The following BICRA variants were observed in gnomAD, a reference collection of about 807,000 sequenced individuals.
BICRA encodes BRD4 interacting chromatin remodeling complex associated protein.
A neutral mutation model predicts 96.9 loss-of-function variants in BICRA; 31 were observed. The observed-to-expected ratio is 0.32, with a 90% CI of 0.24 to 0.43. The LOEUF (loss-of-function observed/expected upper bound fraction) is 0.43. BICRA is among the 20% of genes least tolerant of loss of function. The pLI is 1.00. For synonymous variants in BICRA, 1,350 were observed against 1,071.8 expected (o/e 1.26, Z -5.07); for missense variants, 2,283 against 2,190.3 (o/e 1.04, Z -0.84).
At chr19:47,683,687 C>T (rs918517071) in intron 7 of BICRA, among the ~76,000 whole-genome samples, 96 of 152,012 alleles carry the variant, frequency 6.3e-4, no homozygotes, top group African/African-American at 2.0e-3. Flanking sequence ...CGGGTTCACG[C>T]CATTCTCCTG....
chr19:47,668,185 G>A (rs1362133210), intron 1 of BICRA, among the ~76,000 whole-genome samples: 3 of 152,188 alleles, frequency 2.0e-5, no homozygotes, highest in South Asian at 2.1e-4. Context: ...AGCCGAGATC[G>A]CGTCATTGCA....
intron 1 of BICRA, among the ~76,000 whole-genome samples, chr19:47,618,557 T>C (rs1289278274): frequency 6.6e-6 from 1 of 152,128 alleles, no homozygotes; most frequent in Non-Finnish European, 1.5e-5. Context: ...GAAGGGTTGA[T>C]GCCCCTTGAC....
At chr19:47,688,812 T>A (rs1973197093) in intron 7 of BICRA, among the ~76,000 whole-genome samples, 1 of 152,124 alleles carries the variant, frequency 6.6e-6, no homozygotes, top group Admixed American at 6.6e-5. Context: ...AAATTTTTTT[T>A]TCTTTGTTTT....
intron 1 of BICRA, among the ~76,000 whole-genome samples, chr19:47,630,310 G>A (rs537704616): frequency 1.3e-5 from 2 of 151,708 alleles, no homozygotes; most frequent in Admixed American, 6.6e-5. Flanking sequence ...ATAGGCGTCC[G>A]CCACCACGCC....
chr19:47,634,908 A>G (rs568312487), intron 1 of BICRA, among the ~76,000 whole-genome samples: 5 of 151,504 alleles, frequency 3.3e-5, no homozygotes, highest in South Asian at 4.2e-4. Flanking sequence ...GACTGCAGGC[A>G]CCCGCCACCA....
At chr19:47,669,958 A>G (rs912954746) in intron 1 of BICRA, among the ~76,000 whole-genome samples, 1 of 119,564 alleles carries the variant, frequency 8.4e-6, no homozygotes, top group Non-Finnish European at 1.8e-5. Flanking sequence ...GCCCGGACAG[A>G]TTTTTTTATT....
At chr19:47,695,329 C>T (rs1010099564) in intron 9 of BICRA, 36 bp from the exon 10 acceptor site, 13 of 804,764 alleles carry the variant, frequency 1.6e-5, no homozygotes, top group African/African-American at 6.8e-5. Context: ...ATGCAGTGAC[C>T]GCAGGCCCTG....
At chr19:47,647,379 G>T (rs146553281) in intron 1 of BICRA, among the ~76,000 whole-genome samples, 6 of 152,022 alleles carry the variant, frequency 3.9e-5, no homozygotes, top group African/African-American at 1.4e-4. Flanking sequence ...CCACGGCAGC[G>T]GCACCCTTGT....
intron 4 of BICRA, 103 bp downstream of exon 4, chr19:47,673,865 C>A: frequency 9.8e-7 from 1 of 1,019,946 alleles, no homozygotes; most frequent in Non-Finnish European, 1.6e-6. Flanking sequence ...AGCCATCTGC[C>A]TTGTGGCTTC....
chr19:47,692,832 CCG>C (rs869185490), intron 7 of BICRA, among the ~76,000 whole-genome samples: 2 of 152,156 alleles, frequency 1.3e-5, no homozygotes, highest in African/African-American at 4.8e-5. Context: ...GCCGAGATGC[CCG>C]GTTCTGGAGT....
chr19:47,652,433 GCT>G (rs1972554102), intron 1 of BICRA, among the ~76,000 whole-genome samples: 1 of 152,110 alleles, frequency 6.6e-6, no homozygotes, highest in African/African-American at 2.4e-5. Context: ...AAGTGATCCT[GCT>G]CTCTTGGCTC....
intron 1 of BICRA, among the ~76,000 whole-genome samples, chr19:47,637,510 G>A (rs1972317399): frequency 6.6e-6 from 1 of 152,190 alleles, no homozygotes; most frequent in Admixed American, 6.5e-5. Flanking sequence ...TGCCTGCTGG[G>A]TTCAAGTGAT....
chr19:47,630,603 G>A (rs2123522262), intron 1 of BICRA, among the ~76,000 whole-genome samples: 1 of 151,842 alleles, frequency 6.6e-6, no homozygotes, highest in Non-Finnish European at 1.5e-5. Flanking sequence ...TTCTTTTTTT[G>A]TGGCTAAGTT....
Position 47,701,867 on chromosome 19 carries a change from G to A in BICRA, c.4135G>A (p.Ala1379Thr), listed in dbSNP as rs1288733128. Residue 1379 changes from alanine to threonine, a missense_variant, in exon 15 of 15, where the codon GCC becomes ACC. Coordinates refer to ENST00000594866, the MANE Select transcript of BICRA (RefSeq NM_001394372.1). The surrounding 1 kb of genome is among the most constrained non-coding windows in gnomAD (Gnocchi z 5.4). ...CCCCGAGCGCAAGCCCCTGGGCACC[G>A]CCCCGCACTGCCCGCGCCTGCCACT... ...AAPERKPLGT[A>T]PHCPRLPLRK... 12 of 1,479,370 alleles carry A rather than the reference G, an allele frequency of 8.1e-6. 1 individual carries two copies. The African/African-American group carries it at 1.2e-4, about 15-fold the overall frequency. 91.6% of individuals were successfully genotyped at this position (1,479,370 alleles called of 1,614,324 possible).
intron 1 of BICRA, among the ~76,000 whole-genome samples, chr19:47,651,636 G>A (rs1972542580): frequency 6.6e-6 from 1 of 152,162 alleles, no homozygotes; most frequent in South Asian, 2.1e-4. Context: ...GTAGGGATCA[G>A]TAGGGAGCCC....
chr19:47,608,686 G>GCGGCGC (rs1971845240), upstream of BICRA, among the ~76,000 whole-genome samples: 1 of 151,238 alleles, frequency 6.6e-6, no homozygotes, highest in Non-Finnish European at 1.5e-5. Flanking sequence ...GGGGGCGGGG[G>GCGGCGC]CGGCGCCGGC....
At chr19:47,689,547 G>A (rs1262441949) in intron 7 of BICRA, among the ~76,000 whole-genome samples, 1 of 152,064 alleles carries the variant, frequency 6.6e-6, no homozygotes, top group Non-Finnish European at 1.5e-5. Context: ...GAGTAGCTGG[G>A]ATTACAGGTG....
At chr19:47,697,797 T>C (rs1973370737) in intron 11 of BICRA, among the ~76,000 whole-genome samples, 1 of 152,138 alleles carries the variant, frequency 6.6e-6, no homozygotes. Context: ...CTGAAACTCC[T>C]AGTCTCAAGT....
Position 47,679,718 on chromosome 19 carries a change from C to A in BICRA, c.548C>A (p.Pro183Gln), listed in dbSNP as rs376965561. ...GTGCTGACCCACCAGGCCCTGGTGCCGCCCCAGGACGTGGTCAACAAGGCC... is the reference window on the plus strand; with the variant it reads ...GTGCTGACCCACCAGGCCCTGGTGCAGCCCCAGGACGTGGTCAACAAGGCC... Reference protein sequence around the residue: ...PTVLTHQALVPPQDVVNKALS... With the variant: ...PTVLTHQALVQPQDVVNKALS... Residue 183 changes from proline (P) to glutamine (Q), a missense_variant, in exon 6 of 15, where the codon CCG becomes CAG. Physicochemically the swap from Pro to Gln is moderately conservative, Grantham distance 76 (BLOSUM62 -1). Transcript: ENST00000594866. The A allele has an allele frequency of 6.5e-6, 10 of 1,536,028 alleles. No homozygotes were observed. The highest frequency in any genetic ancestry group is 8.8e-6 in the Non-Finnish European group (10 of 1,142,460).
Sources: gnomAD v4.1 joint callset for allele counts (sites outside exome capture counted in the v4.1 genomes callset) on GRCh38, gnomAD v4.1.1 for gene constraint, Gnocchi (gnomAD v3.1) non-coding constraint, MANE v1.5 for transcripts, NCBI Gene and HGNC (gene_info 2026-07-23, HGNC 2026-07-21) for gene names.